ZSCAN5C: variants seen among roughly 807,000 people sequenced by gnomAD.
The protein encoded by ZSCAN5C is zinc finger and SCAN domain-containing protein 5C.
Under a neutral mutation model 17.3 loss-of-function variants are expected in ZSCAN5C, and 11 were observed. That is an observed-to-expected ratio of 0.64 (90% confidence interval 0.40 to 1.06). ZSCAN5C has a LOEUF of 1.06. Among genes scored for constraint, ZSCAN5C ranks in the 50% least tolerant of loss-of-function variants. The pLI is 0.00. For missense variants in ZSCAN5C, 698 were observed against 538.9 expected (o/e 1.30, Z -2.92); for synonymous variants, 229 against 208.4 (o/e 1.10, Z -0.85).
exon 5 of ZSCAN5C, chr19:56,208,824 C>A (rs533987933): frequency 2.5e-5 from 39 of 1,556,342 alleles, no homozygotes; most frequent in Non-Finnish European, 3.4e-5. Context: ...GGCAAGTTAG[C>A]CGTCCACACG....
rs147896532 is a variant in ZSCAN5C, at chr19:56,203,362, G to A, written c.-128+1040G>A. On this transcript the variant is annotated intron_variant, in intron 1 of 4. Coordinates refer to ENST00000534327, the Ensembl canonical transcript of ZSCAN5C. ...GTGTACAGCATAATGTGCTTTGCAG[G>A]ATAGAAACAATGTAAAATGGGTAAA... Among the ~76,000 whole-genome samples, 255 of 151,984 alleles carry A rather than the reference G, an allele frequency of 1.7e-3. 8 individuals are homozygous for A. The highest frequency in any genetic ancestry group is 5.9e-3 in the African/African-American group (242 of 41,282).
Position 56,205,234 on chromosome 19 carries a change from T to C in ZSCAN5C, c.-127-553T>C, listed in dbSNP as rs1457233393. ...CCTGAAGAGGGTAAAAATGATGAAA[T>C]TATGAATGTGCATTTCACCAAAATA... On this transcript the variant is annotated intron_variant, in intron 1 of 4. Coordinates refer to ENST00000534327, the Ensembl canonical transcript of ZSCAN5C. 2.6e-5 allele frequency among the ~76,000 whole-genome samples: 4 copies of C among 151,988 alleles called. No homozygotes were observed. In the East Asian group the frequency reaches 5.8e-4, roughly 22 times the overall value.
chr19:56,205,323 C>G (rs746246167), intron 1 of ZSCAN5C, among the ~76,000 whole-genome samples: 1 of 151,864 alleles, frequency 6.6e-6, no homozygotes, highest in Admixed American at 6.5e-5. Flanking sequence ...TTCTCTGGAG[C>G]GAATAATTCT....
rs774246912 is a variant in ZSCAN5C, at chr19:56,206,295, T to C, written c.382T>C (p.Trp128Arg). 1.2e-5 allele frequency: 18 copies of C among 1,513,246 alleles called. No homozygotes were observed. In the African/African-American group the frequency reaches 2.0e-4, roughly 17 times the overall value. 93.7% of individuals were successfully genotyped at this position (1,513,246 alleles called of 1,614,324 possible). A position where few individuals can be genotyped will look rare whatever the true frequency, so the allele number is the denominator to read the frequency against. The change falls in exon 2 of 5, where the codon TGG (tryptophan) becomes CGG (arginine). Residue 128 changes from tryptophan (W) to arginine (R), a missense_variant and splice_region_variant. Trp to Arg is a moderately radical substitution (Grantham distance 101, BLOSUM62 -3). Transcript: ENST00000534327. ...ACGAAATAACAGAAGACCCAAGAAATGGGTGAGTGGGACCCTCGTGATTGG... is the reference window on the plus strand; with the variant it reads ...ACGAAATAACAGAAGACCCAAGAAACGGGTGAGTGGGACCCTCGTGATTGG...
intron 1 of ZSCAN5C, among the ~76,000 whole-genome samples, chr19:56,203,627 G>A (rs530906884): frequency 1.4e-5 from 2 of 147,540 alleles, no homozygotes; most frequent in South Asian, 2.2e-4. Context: ...CTGCTACTAT[G>A]AGTCTACTGG....
At chr19:56,208,064 G>T (rs774808535) in exon 4 of ZSCAN5C, 1 of 754,844 alleles carries the variant, frequency 1.3e-6, no homozygotes, top group African/African-American at 1.7e-5. Flanking sequence ...AGAGACTACT[G>T]TCATGAAAGG....
chr19:56,202,686 A>T (rs1191712352), intron 1 of ZSCAN5C, among the ~76,000 whole-genome samples: 2 of 151,908 alleles, frequency 1.3e-5, no homozygotes, highest in African/African-American at 2.4e-5. Flanking sequence ...CCCAAGTAGC[A>T]GGAACTACAG....
exon 5 of ZSCAN5C, chr19:56,209,144 C>A (rs761462529): frequency 3.5e-6 from 5 of 1,423,642 alleles, no homozygotes; most frequent in Non-Finnish European, 4.9e-6. Flanking sequence ...AGCCTTCGGT[C>A]GGCCGGCGAC....
At chr19:56,206,756 T>C (rs2032925954) in intron 2 of ZSCAN5C, among the ~76,000 whole-genome samples, 1 of 148,060 alleles carries the variant, frequency 6.8e-6, no homozygotes, top group Non-Finnish European at 1.5e-5. Context: ...GTGGCTGGTA[T>C]CAGAGATTCA....
rs1409836648 is a variant in ZSCAN5C at position 56,208,315 on chromosome 19, A to G, written c.739+131A>G. Reference sequence around the variant, plus strand: ...AAAGCCTCTCCATCCCTTACTCTCCAGAGACCTACAGTCCAATGTCTTAGG... The same window carrying G: ...AAAGCCTCTCCATCCCTTACTCTCCGGAGACCTACAGTCCAATGTCTTAGG... On this transcript the variant is annotated intron_variant, in intron 4 of 4. Coordinates refer to ENST00000534327, the Ensembl canonical transcript of ZSCAN5C. 1.1e-5 allele frequency: 8 copies of G among 708,322 alleles called. No individual in the cohort carries two copies. The East Asian group carries it at 2.0e-4, about 18-fold the overall frequency. 43.9% of individuals were successfully genotyped at this position (708,322 alleles called of 1,614,324 possible). A position where few individuals can be genotyped will look rare whatever the true frequency, so the allele number is the denominator to read the frequency against.
At chr19:56,203,904 C>T (rs1465456522) in intron 1 of ZSCAN5C, among the ~76,000 whole-genome samples, 6 of 151,770 alleles carry the variant, frequency 4.0e-5, no homozygotes, top group Non-Finnish European at 7.4e-5. Flanking sequence ...CCATCTCAGC[C>T]GTCCAACGTG....
chr19:56,206,982 T>A, intron 2 of ZSCAN5C, 77 bp from the exon 3 acceptor site: 1 of 652,986 alleles, frequency 1.5e-6, no homozygotes, highest in Non-Finnish European at 2.8e-6. Context: ...GTGTGAGCAT[T>A]ATGGCAGGAC....
At chr19:56,206,054 C>T (rs1168942913) in exon 2 of ZSCAN5C, 1 of 1,613,136 alleles carries the variant, frequency 6.2e-7, no homozygotes, top group Non-Finnish European at 8.5e-7. Context: ...ACGTGAACTT[C>T]AGGATGTTCA....
At chr19:56,206,825 C>T (rs1209852804) in intron 2 of ZSCAN5C, among the ~76,000 whole-genome samples, 1 of 127,360 alleles carries the variant, frequency 7.9e-6, no homozygotes, top group South Asian at 2.4e-4. Context: ...TTGGATTCAC[C>T]CAGAATATTT....
At chr19:56,203,484 T>C (rs1268233428) in intron 1 of ZSCAN5C, among the ~76,000 whole-genome samples, 1 of 151,756 alleles carries the variant, frequency 6.6e-6, no homozygotes, top group Non-Finnish European at 1.5e-5. Flanking sequence ...AATTATACAA[T>C]ACATTGTTAT....
intron 1 of ZSCAN5C, among the ~76,000 whole-genome samples, chr19:56,203,320 A>G (rs931946063): frequency 6.6e-6 from 1 of 151,972 alleles, no homozygotes; most frequent in African/African-American, 2.4e-5. Flanking sequence ...GAAAAACAAG[A>G]AAGATACGTA....
chr19:56,207,280 T>C lies in ZSCAN5C; in HGVS notation c.588+18T>C. The stretch of plus-strand genomic sequence containing the variant: ...GGAGGCAGGTGGGTGTGTGAGGCCT[T>C]GGTGTCTGGGCAGAGGTGGGAGAAG... On this transcript the variant is annotated intron_variant, in intron 3 of 4. Transcript: ENST00000534327. 1 of 768,446 alleles carries C rather than the reference T, an allele frequency of 1.3e-6. No individual in the cohort carries two copies. The highest frequency in any genetic ancestry group is 2.4e-6 in the Non-Finnish European group (1 of 411,778). 47.6% of individuals were successfully genotyped at this position (768,446 alleles called of 1,614,324 possible). A position where few individuals can be genotyped will look rare whatever the true frequency, so the allele number is the denominator to read the frequency against.
intron 3 of ZSCAN5C, among the ~76,000 whole-genome samples, 165 bp downstream of exon 3, chr19:56,207,427 G>A (rs915558513): frequency 1.3e-5 from 2 of 151,704 alleles, no homozygotes; most frequent in African/African-American, 2.4e-5. Flanking sequence ...ATCACAGAGA[G>A]GGAAGCTTCA....
exon 4 of ZSCAN5C, chr19:56,208,092 G>A (rs1405856311): frequency 2.6e-6 from 2 of 770,834 alleles, no homozygotes; most frequent in Admixed American, 3.4e-5. Context: ...AAGGCTCTGA[G>A]ACCCAAGCCG....
Sources: gnomAD v4.1 joint callset for allele counts (sites outside exome capture counted in the v4.1 genomes callset) on GRCh38, gnomAD v4.1.1 for gene constraint, MANE v1.5 for transcripts, NCBI Gene and HGNC (gene_info 2026-07-23, HGNC 2026-07-21) for gene names.